Variants in DIP2B observed in about 807,000 individuals in gnomAD.
DIP2B encodes the protein DIP2 acetate--CoA ligase B (putative).
A neutral mutation model predicts 198.0 loss-of-function variants in DIP2B; 76 were observed. That is an observed-to-expected ratio of 0.38 (90% CI 0.32 to 0.46). The LOEUF (loss-of-function observed/expected upper bound fraction) is 0.46. Ranked by LOEUF, DIP2B falls within the 20% of genes least tolerant of loss-of-function variation. The pLI, the probability that DIP2B is intolerant of heterozygous loss-of-function variation, is 0.99. For synonymous variants in DIP2B, 701 were observed against 739.1 expected, an observed-to-expected ratio of 0.95 and a Z score of 0.84; for missense variants, 1,559 against 1,978.4, an observed-to-expected ratio of 0.79 and a Z score of 4.02.
chr12:50,678,806 C>A lies in DIP2B; in HGVS notation c.1044C>A (p.Thr348=), dbSNP rs759201466. 16 of 1,614,194 alleles carry A rather than the reference C, an allele frequency of 9.9e-6. No individual in the cohort carries two copies. Among genetic ancestry groups the A allele is most frequent in the Non-Finnish European group, 1.4e-5 (16 of 1,180,036 alleles). Residue 348 remains threonine (T), a synonymous_variant, in exon 8 of 38, where the codon ACC becomes ACA. Coordinates refer to ENST00000301180, the MANE Select transcript of DIP2B (RefSeq NM_173602.3). ...ALESALQRWG[T]TQAKCSCLTA... Reference sequence around the variant, plus strand: ...AATCTGCCCTGCAGCGCTGGGGTACCACTCAAGCAAAATGCTCCTGTCTGA... The same window carrying A: ...AATCTGCCCTGCAGCGCTGGGGTACAACTCAAGCAAAATGCTCCTGTCTGA...
intron 1 of DIP2B, among the ~76,000 whole-genome samples, chr12:50,566,963 C>T (rs1399593132): frequency 1.5e-5 from 2 of 132,704 alleles, no homozygotes; most frequent in Admixed American, 1.7e-4. Context: ...CAGAGCGAGA[C>T]TCCGTCTCAA....
chr12:50,620,980 G>A lies in DIP2B; in HGVS notation c.101-4996G>A, dbSNP rs542335164. Among the ~76,000 whole-genome samples the A allele has an allele frequency of 2.6e-5, 4 of 152,326 alleles. No homozygotes were observed. The East Asian group carries it at 7.7e-4, about 29-fold the overall frequency. On this transcript the variant is annotated intron_variant, in intron 1 of 37. Transcript: ENST00000301180. Reference sequence around the variant, plus strand: ...TTGGAAGATGCTTGTTAGAAGTAGAGATTTCTGGATCTTAATCCAGACTTA... The same window carrying A: ...TTGGAAGATGCTTGTTAGAAGTAGAAATTTCTGGATCTTAATCCAGACTTA...
chr12:50,698,430 A>T lies in DIP2B; in HGVS notation c.2151A>T (p.Ala717=), dbSNP rs988156758. The change falls in exon 18 of 38, where the codon GCA becomes GCT. Residue 717 remains alanine (A), a synonymous_variant. Coordinates refer to ENST00000301180, the MANE Select transcript of DIP2B (RefSeq NM_173602.3). ...IRVNTEDKNS[A]LTVQDVGHVM... is the part of the protein sequence containing the mutation. ...TCAATACTGAAGATAAAAATTCAGC[A>T]CTGACGGTCCAGGATGTAGGGCATG... The T allele has an allele frequency of 9.9e-6, 16 of 1,614,040 alleles. No individual in the cohort carries two copies. Among genetic ancestry groups the T allele is most frequent in the Non-Finnish European group, 1.4e-5 (16 of 1,179,928 alleles).
At chr12:50,649,188 A>T (rs141657222) in intron 3 of DIP2B, among the ~76,000 whole-genome samples, 29 of 152,342 alleles carry the variant, frequency 1.9e-4, no homozygotes, top group Admixed American at 7.2e-4. Context: ...TTACTTTACA[A>T]ATCTAATCTA....
intron 19 of DIP2B, among the ~76,000 whole-genome samples, chr12:50,702,272 G>A (rs1376494620): frequency 2.0e-5 from 3 of 152,168 alleles, no homozygotes; most frequent in Non-Finnish European, 4.4e-5. Flanking sequence ...CTTGAACCCG[G>A]GAGGTGAAAC....
At chr12:50,515,050 G>A (rs1452176618) in intron 1 of DIP2B, among the ~76,000 whole-genome samples, 1 of 151,806 alleles carries the variant, frequency 6.6e-6, no homozygotes, top group Non-Finnish European at 1.5e-5. Context: ...TCCCTCTCTC[G>A]AGCCTGAAAG....
intron 1 of DIP2B, among the ~76,000 whole-genome samples, chr12:50,517,073 C>A (rs372786385): frequency 6.6e-6 from 1 of 151,884 alleles, no homozygotes; most frequent in Non-Finnish European, 1.5e-5. Context: ...CCCGCCACCA[C>A]GCCCGGCTAA....
chr12:50,539,214 G>T (rs1477391818), intron 1 of DIP2B, among the ~76,000 whole-genome samples: 1 of 148,406 alleles, frequency 6.7e-6, no homozygotes. Context: ...TTGGCTCTAG[G>T]TAGCTCGCTC....
intron 1 of DIP2B, among the ~76,000 whole-genome samples, chr12:50,556,823 C>T (rs1958475958): frequency 6.6e-6 from 1 of 152,098 alleles, no homozygotes; most frequent in Non-Finnish European, 1.5e-5. Flanking sequence ...GATTCTCCTG[C>T]CTCAGCCTCC....
chr12:50,738,007 G>T (rs1940169241), intron 35 of DIP2B, among the ~76,000 whole-genome samples: 1 of 152,202 alleles, frequency 6.6e-6, no homozygotes, highest in South Asian at 2.1e-4. Context: ...TATTGGACAG[G>T]TTAATTTCTT....
intron 13 of DIP2B, among the ~76,000 whole-genome samples, chr12:50,691,759 T>C (rs528258191): frequency 2.3e-5 from 2 of 87,134 alleles, no homozygotes; most frequent in Non-Finnish European, 6.9e-5. Flanking sequence ...TAAATAAGGA[T>C]TGATTAAGTT....
rs1938928429 is a variant in DIP2B at position 50,675,349 on chromosome 12, G to A, written c.817G>A (p.Val273Ile). The A allele has an allele frequency of 5.0e-6, 8 of 1,612,432 alleles. No homozygotes were observed. The highest frequency in any genetic ancestry group is 6.8e-6 in the Non-Finnish European group (8 of 1,178,998). ...TATAGGTGTTCCTGTCAGTAGCAGA[G>A]TATCTACAAAAATCCAGCAGCTTCT... ...TADGVPVSSR[V>I]STKIQQLLNT... The change falls in exon 7 of 38, where the codon GTA (valine) becomes ATA (isoleucine). Residue 273 changes from valine to isoleucine, a missense_variant. Coordinates refer to ENST00000301180, the MANE Select transcript of DIP2B (RefSeq NM_173602.3).
intron 14 of DIP2B, among the ~76,000 whole-genome samples, chr12:50,694,485 ACT>A (rs1399253724): frequency 6.6e-6 from 1 of 151,238 alleles, no homozygotes; most frequent in South Asian, 2.1e-4. Context: ...ACAGAGCAGG[ACT>A]CTGTCTCAGA....
At chr12:50,625,043 A>G (rs148841799) in intron 1 of DIP2B, among the ~76,000 whole-genome samples, 1 of 152,198 alleles carries the variant, frequency 6.6e-6, no homozygotes, top group Non-Finnish European at 1.5e-5. Flanking sequence ...CTACAATTTG[A>G]CTTTTTTTCC....
At chr12:50,599,319 A>C (rs970993096) in intron 1 of DIP2B, among the ~76,000 whole-genome samples, 9 of 151,764 alleles carry the variant, frequency 5.9e-5, no homozygotes, top group African/African-American at 2.2e-4. Flanking sequence ...ATTAAAATTT[A>C]AAAACTCTTG....
chr12:50,602,662 C>T (rs1346267031), intron 1 of DIP2B, among the ~76,000 whole-genome samples: 2 of 151,408 alleles, frequency 1.3e-5, no homozygotes, highest in African/African-American at 4.9e-5. Flanking sequence ...AGATTGAGAC[C>T]ATCCTGGCCA....
intron 37 of DIP2B, among the ~76,000 whole-genome samples, chr12:50,743,844 TG>T (rs1465047684): frequency 6.6e-6 from 1 of 152,214 alleles, no homozygotes; most frequent in Admixed American, 6.5e-5. Flanking sequence ...AACAAGGGAA[TG>T]GTAAGGCCAT....
intron 28 of DIP2B, among the ~76,000 whole-genome samples, chr12:50,725,155 A>C (rs1939908874): frequency 1.3e-5 from 2 of 152,152 alleles, no homozygotes; most frequent in South Asian, 4.1e-4. Context: ...TTTTTATGCT[A>C]CATGTGACTA....
intron 5 of DIP2B, among the ~76,000 whole-genome samples, chr12:50,672,293 G>A (rs1938868819): frequency 6.6e-6 from 1 of 152,128 alleles, no homozygotes; most frequent in Admixed American, 6.5e-5. Context: ...GGGTATGATT[G>A]CCCTCCTTAG....
Sources: gnomAD v4.1 joint callset for allele counts (sites outside exome capture counted in the v4.1 genomes callset) on GRCh38, gnomAD v4.1.1 for gene constraint, MANE v1.5 for transcripts, NCBI Gene and HGNC (gene_info 2026-07-23, HGNC 2026-07-21) for gene names.